SNX9: variants seen among roughly 807,000 people sequenced by gnomAD.
The protein encoded by SNX9 is sorting nexin 9.
Under a neutral mutation model 89.4 loss-of-function variants are expected in SNX9, and 44 were observed. The observed-to-expected ratio is 0.49, with a 90% CI of 0.39 to 0.63. The LOEUF (loss-of-function observed/expected upper bound fraction) is 0.63, where lower values mean the gene tolerates loss of function less well. SNX9 is among the 30% of genes least tolerant of loss of function. The pLI is 0.00. For synonymous variants in SNX9, 236 were observed against 247.8 expected, an observed-to-expected ratio of 0.95 and a Z score of 0.45; for missense variants, 578 against 736.1, an observed-to-expected ratio of 0.79 and a Z score of 2.49.
At chr6:157,858,930 A>G (rs1782066130) in intron 1 of SNX9, among the ~76,000 whole-genome samples, 1 of 152,196 alleles carries the variant, frequency 6.6e-6, no homozygotes, top group Admixed American at 6.5e-5. Flanking sequence ...ACACATGCAG[A>G]TTATTACAAT....
chr6:157,872,907 T>G (rs1782443426), intron 2 of SNX9, 195 bp from the exon 3 acceptor site: 1 of 431,974 alleles, frequency 2.3e-6, no homozygotes, highest in Non-Finnish European at 4.1e-6. Flanking sequence ...TTGATTTTTC[T>G]TGTTTTTAGG....
chr6:157,941,241 T>A (rs1417662868), intron 17 of SNX9, among the ~76,000 whole-genome samples: 2 of 152,120 alleles, frequency 1.3e-5, no homozygotes, highest in African/African-American at 4.8e-5. Context: ...ATTGTGCAGC[T>A]CCTTCCCCCC....
At chr6:157,870,305 C>T (rs1057003584) in intron 2 of SNX9, among the ~76,000 whole-genome samples, 3 of 149,512 alleles carry the variant, frequency 2.0e-5, no homozygotes, top group Non-Finnish European at 3.0e-5. Flanking sequence ...CGTGTGAGCA[C>T]GCACACACAC....
intron 11 of SNX9, 21 bp from the exon 12 acceptor site, chr6:157,928,578 G>T: frequency 6.3e-7 from 1 of 1,582,962 alleles, no homozygotes; most frequent in African/African-American, 1.3e-5. Context: ...TTATGTGACT[G>T]ACGGCCGCCT....
chr6:157,826,560 A>G lies in SNX9; in HGVS notation c.12+3114A>G, dbSNP rs114004794. Among the ~76,000 whole-genome samples, 602 of 149,008 alleles carry G rather than the reference A, an allele frequency of 4.0e-3. 7 individuals are homozygous for G. The highest frequency in any genetic ancestry group is 0.014 in the African/African-American group (573 of 40,146). ...ACTGCACATTTTAAGGGGATTATCT[A>G]TTTTCTATTTCTACTCCTTACTCAG... On this transcript the variant is annotated intron_variant, in intron 1 of 17. Transcript: ENST00000392185.
At chr6:157,832,899 C>A (rs1312414620) in intron 1 of SNX9, among the ~76,000 whole-genome samples, 1 of 152,184 alleles carries the variant, frequency 6.6e-6, no homozygotes, top group Admixed American at 6.5e-5. Flanking sequence ...TTAAACCTTA[C>A]TCTATCACTT....
chr6:157,865,914 C>T (rs1053016790), intron 1 of SNX9, among the ~76,000 whole-genome samples: 2 of 152,190 alleles, frequency 1.3e-5, no homozygotes, highest in Non-Finnish European at 2.9e-5. Context: ...CCCTGTTAGA[C>T]TAGCCCTGTC....
chr6:157,904,172 A>C (rs943515807), intron 6 of SNX9, among the ~76,000 whole-genome samples: 13 of 152,216 alleles, frequency 8.5e-5, no homozygotes, highest in South Asian at 2.1e-4. Flanking sequence ...GCAGTGCCTC[A>C]TGTCTGTAAT....
chr6:157,871,590 A>G (rs958755790), intron 2 of SNX9, among the ~76,000 whole-genome samples: 1 of 152,068 alleles, frequency 6.6e-6, no homozygotes, highest in Admixed American at 6.5e-5. Flanking sequence ...TGACAAGTTA[A>G]TGGGTGCAGC....
At chr6:157,925,355 T>TG (rs1783670227) in intron 10 of SNX9, among the ~76,000 whole-genome samples, 1 of 151,506 alleles carries the variant, frequency 6.6e-6, no homozygotes, top group African/African-American at 2.5e-5. Context: ...AGTGTCATCT[T>TG]GGTGAGGTGA....
intron 1 of SNX9, among the ~76,000 whole-genome samples, chr6:157,833,053 C>T (rs1781505636): frequency 6.6e-6 from 1 of 152,100 alleles, no homozygotes; most frequent in Non-Finnish European, 1.5e-5. Context: ...AGATTTGGAT[C>T]CTCCCTAGGA....
chr6:157,866,738 A>G (rs1237115138), intron 1 of SNX9, among the ~76,000 whole-genome samples: 3 of 152,200 alleles, frequency 2.0e-5, no homozygotes, highest in Non-Finnish European at 4.4e-5. Context: ...CTGCATTATC[A>G]TTCTTATTAG....
intron 2 of SNX9, among the ~76,000 whole-genome samples, chr6:157,869,815 C>T (rs910777804): frequency 3.9e-5 from 6 of 152,052 alleles, no homozygotes; most frequent in East Asian, 3.9e-4. Context: ...CACCCATGTA[C>T]GTACTCTCAC....
chr6:157,930,634 A>G (rs895732292), intron 12 of SNX9, among the ~76,000 whole-genome samples: 3 of 152,182 alleles, frequency 2.0e-5, no homozygotes, highest in African/African-American at 4.8e-5. Flanking sequence ...ATTAAGAGCC[A>G]CGCATACAAG....
chr6:157,874,823 A>C, intron 3 of SNX9: 1 of 388,900 alleles, frequency 2.6e-6, no homozygotes, highest in East Asian at 4.9e-5. Flanking sequence ...ACTTCTAAAT[A>C]ATGCATGGAT....
intron 1 of SNX9, among the ~76,000 whole-genome samples, chr6:157,858,183 T>C (rs1368597865): frequency 2.6e-5 from 4 of 152,180 alleles, no homozygotes; most frequent in African/African-American, 9.7e-5. Flanking sequence ...GTATCACATA[T>C]GCTATCGTTC....
chr6:157,843,872 CTTTTTT>C (rs1006138414), intron 1 of SNX9, among the ~76,000 whole-genome samples: 10 of 120,680 alleles, frequency 8.3e-5, no homozygotes, highest in African/African-American at 3.3e-4. Flanking sequence ...TCCCATTTGT[CTTTTTT>C]TTTTTTTTTT....
At chr6:157,832,032 C>T (rs1331056310) in intron 1 of SNX9, among the ~76,000 whole-genome samples, 1 of 152,184 alleles carries the variant, frequency 6.6e-6, no homozygotes, top group African/African-American at 2.4e-5. Flanking sequence ...ATTGATATTT[C>T]TTTGTCATTT....
At chr6:157,899,057 G>A (rs1367253377) in intron 5 of SNX9, among the ~76,000 whole-genome samples, 1 of 151,132 alleles carries the variant, frequency 6.6e-6, no homozygotes, top group Non-Finnish European at 1.5e-5. Context: ...AGTAGGGGAG[G>A]AAGGAGAAGG....
Sources: allele counts gnomAD v4.1 joint callset (sites outside exome capture counted in the v4.1 genomes callset), GRCh38; gene constraint gnomAD v4.1.1; transcripts MANE v1.5; gene names NCBI Gene and HGNC (gene_info 2026-07-23, HGNC 2026-07-21).